PLEKHA8: variants seen among roughly 807,000 people sequenced by gnomAD.
PLEKHA8 encodes the protein pleckstrin homology domain containing A8.
Under a neutral mutation model 68.2 loss-of-function variants are expected in PLEKHA8, and 36 were observed. The ratio of observed to expected loss-of-function variants is 0.53; its 90% CI spans 0.40 to 0.70. The LOEUF is 0.70. Among genes scored for constraint, PLEKHA8 ranks in the 30% least tolerant of loss-of-function variants. PLEKHA8 has a pLI of 0.00. For missense variants in PLEKHA8, 505 were observed against 615.4 expected, an observed-to-expected ratio of 0.82 and a Z score of 1.90; for synonymous variants, 211 against 216.1, an observed-to-expected ratio of 0.98 and a Z score of 0.20.
chr7:30,030,023 T>C (rs982601267), intron 1 of PLEKHA8, among the ~76,000 whole-genome samples: 8 of 152,200 alleles, frequency 5.3e-5, no homozygotes, highest in African/African-American at 1.7e-4. Context: ...GGACCTTCAG[T>C]GATGTCTGCA....
intron 13 of PLEKHA8, among the ~76,000 whole-genome samples, chr7:30,104,334 T>C (rs1165164104): frequency 1.3e-5 from 2 of 152,322 alleles, no homozygotes; most frequent in East Asian, 1.9e-4. Context: ...TTTTGCAAGA[T>C]AAGGACTTTT....
At chr7:30,070,537 G>A (rs990670815) in intron 12 of PLEKHA8, among the ~76,000 whole-genome samples, 3 of 150,218 alleles carry the variant, frequency 2.0e-5, no homozygotes, top group Non-Finnish European at 4.4e-5. Flanking sequence ...GCATAGCAGC[G>A]AATCCAGAGC....
At chr7:30,116,584 C>T (rs1189313260) in intron 13 of PLEKHA8, among the ~76,000 whole-genome samples, 2 of 152,206 alleles carry the variant, frequency 1.3e-5, no homozygotes, top group Non-Finnish European at 2.9e-5. Context: ...AATAGCTGCA[C>T]TAAGAGCCCT....
intron 13 of PLEKHA8, chr7:30,118,161 C>A (rs1488870933): frequency 2.0e-5 from 13 of 645,442 alleles, no homozygotes; most frequent in Admixed American, 1.6e-4. Context: ...CCCGAGATGC[C>A]TCCTGGAGAG....
intron 6 of PLEKHA8, among the ~76,000 whole-genome samples, chr7:30,052,121 C>G (rs941057727): frequency 3.3e-5 from 5 of 152,104 alleles, no homozygotes; most frequent in Non-Finnish European, 5.9e-5. Context: ...GATGGAAAAC[C>G]AAAGAGCTGT....
chr7:30,031,797 CT>C (rs1482368178), intron 1 of PLEKHA8, among the ~76,000 whole-genome samples: 1 of 152,182 alleles, frequency 6.6e-6, no homozygotes, highest in African/African-American at 2.4e-5. Context: ...TTGTGAGCTT[CT>C]TTTGCCTCTT....
At chr7:30,118,055 CA>C in intron 13 of PLEKHA8, 1 of 1,496,892 alleles carries the variant, frequency 6.7e-7, no homozygotes, top group South Asian at 1.3e-5. Context: ...CATGATGACC[CA>C]GCATGAGACA....
rs532513475 is a variant in PLEKHA8, at chr7:30,098,813, C to T, written c.1362+24681C>T. Among the ~76,000 whole-genome samples the T allele has an allele frequency of 4.6e-5, 7 of 152,362 alleles. No individual in the cohort carries two copies. The South Asian group carries it at 6.2e-4, about 14-fold the overall frequency. On this transcript the variant is annotated intron_variant, in intron 13 of 13. Coordinates refer to the PLEKHA8 transcript ENST00000396257. Reference sequence around the variant, plus strand: ...CGATGTTGCGCCCTGCTTTGGCTCACGCATGGTGCGCTGCACCCACTGTCC... The same window carrying T: ...CGATGTTGCGCCCTGCTTTGGCTCATGCATGGTGCGCTGCACCCACTGTCC...
intron 6 of PLEKHA8, among the ~76,000 whole-genome samples, chr7:30,051,057 G>C (rs1416584053): frequency 6.6e-6 from 1 of 152,048 alleles, no homozygotes; most frequent in Non-Finnish European, 1.5e-5. Flanking sequence ...ATGCCACCAT[G>C]CCTGGCTAAT....
rs1225467224 is a variant in PLEKHA8 at position 30,082,329 on chromosome 7, C to T, written c.*3542C>T. 1.0e-6 allele frequency: 1 copy of T among 985,602 alleles called. No individual in the cohort carries two copies. Among genetic ancestry groups the T allele is most frequent in the Non-Finnish European group, 1.2e-6 (1 of 830,074 alleles). The allele number at this position is 985,602 out of a possible 1,614,324, so 61.1% of individuals were successfully genotyped here. A position where few individuals can be genotyped will look rare whatever the true frequency, so the allele number is the denominator to read the frequency against. On this transcript the variant is annotated 3_prime_UTR_variant, in exon 14 of 14. Coordinates refer to ENST00000449726, the MANE Select transcript of PLEKHA8 (RefSeq NM_001197026.2). ...CATCAGCACACCAAATCTACCCCCA[C>T]TTATGTTTGTTCTGCCCCATTTCCC...
chr7:30,127,591 C>T (rs978394345), intron 13 of PLEKHA8, among the ~76,000 whole-genome samples: 2 of 152,094 alleles, frequency 1.3e-5, no homozygotes, highest in South Asian at 2.1e-4. Flanking sequence ...TGAAATAGAC[C>T]GAAAGGTGGA....
chr7:30,029,231 C>T (rs1045418490), intron 1 of PLEKHA8, among the ~76,000 whole-genome samples: 7 of 152,192 alleles, frequency 4.6e-5, no homozygotes, highest in Non-Finnish European at 1.0e-4. Context: ...AATTCCACAG[C>T]GGAAAGATCC....
chr7:30,118,555 T>G (rs1360013513), intron 13 of PLEKHA8, among the ~76,000 whole-genome samples: 2 of 151,678 alleles, frequency 1.3e-5, no homozygotes, highest in African/African-American at 4.8e-5. Flanking sequence ...CATATCTTTC[T>G]GTCTTCTCTC....
intron 13 of PLEKHA8, among the ~76,000 whole-genome samples, chr7:30,115,651 C>T (rs1315617737): frequency 1.3e-5 from 2 of 151,136 alleles, no homozygotes; most frequent in Non-Finnish European, 3.0e-5. Flanking sequence ...CACACATGTA[C>T]ACATACATGT....
At chr7:30,041,374 A>G (rs1583783771) in intron 1 of PLEKHA8, among the ~76,000 whole-genome samples, 1 of 151,940 alleles carries the variant, frequency 6.6e-6, no homozygotes, top group East Asian at 1.9e-4. Context: ...AGAACCTGTT[A>G]TAAGGAAGGT....
chr7:30,122,911 A>T (rs1796716873), intron 13 of PLEKHA8, among the ~76,000 whole-genome samples: 1 of 152,192 alleles, frequency 6.6e-6, no homozygotes, highest in Non-Finnish European at 1.5e-5. Flanking sequence ...AGGGACTGGA[A>T]ATAGTAGTTC....
rs1794964235 is a variant in PLEKHA8 at position 30,082,119 on chromosome 7, A to C, written c.*3332A>C. On this transcript the variant is annotated 3_prime_UTR_variant, in exon 14 of 14. Coordinates refer to ENST00000449726, the MANE Select transcript of PLEKHA8 (RefSeq NM_001197026.2). The stretch of plus-strand genomic sequence containing the variant: ...TGTGGGCCCAAGACATTGACTTCGA[A>C]GGGTAGTTCTCATTAGGATGTATAA... The C allele has an allele frequency of 1.0e-6, 1 of 985,264 alleles. No homozygotes were observed. Among genetic ancestry groups the C allele is most frequent in the Admixed American group, 6.2e-5 (1 of 16,244 alleles). 61.0% of individuals were successfully genotyped at this position (985,264 alleles called of 1,614,324 possible). A position where few individuals can be genotyped will look rare whatever the true frequency, so the allele number is the denominator to read the frequency against.
chr7:30,054,389 G>A (rs1583818905), intron 7 of PLEKHA8, among the ~76,000 whole-genome samples: 1 of 152,130 alleles, frequency 6.6e-6, no homozygotes, highest in African/African-American at 2.4e-5. Flanking sequence ...ATTTATAATT[G>A]TAAAATTTTG....
At chr7:30,078,556 T>A in intron 13 of PLEKHA8, 34 bp from the exon 14 acceptor site, 2 of 1,608,528 alleles carry the variant, frequency 1.2e-6, no homozygotes, top group Non-Finnish European at 1.7e-6. Context: ...AGAGACAGAC[T>A]TGATGCAGAT....
Sources: allele counts gnomAD v4.1 joint callset (sites outside exome capture counted in the v4.1 genomes callset), GRCh38; gene constraint gnomAD v4.1.1; transcripts MANE v1.5; gene names NCBI Gene and HGNC (gene_info 2026-07-23, HGNC 2026-07-21).